Variants in NR1H4 observed in about 807,000 individuals in gnomAD.
The protein encoded by NR1H4 is nuclear receptor subfamily 1 group H member 4, also known as bile acid receptor.
NR1H4 carries 23 observed loss-of-function variants against 58.5 expected under a neutral mutation model. That is an observed-to-expected ratio of 0.39 (90% CI 0.28 to 0.56). The LOEUF (loss-of-function observed/expected upper bound fraction) is 0.56, where lower values mean the gene tolerates loss of function less well. Ranked by LOEUF, NR1H4 falls within the 20% of genes least tolerant of loss-of-function variation. The pLI is 0.58. For synonymous variants in NR1H4, 214 were observed against 198.0 expected (o/e 1.08, Z -0.68); for missense variants, 487 against 576.9 (o/e 0.84, Z 1.60).
intron 9 of NR1H4, among the ~76,000 whole-genome samples, chr12:100,548,615 G>T (rs1955135482): frequency 6.6e-6 from 1 of 152,092 alleles, no homozygotes; most frequent in South Asian, 2.1e-4. Context: ...AGCAATGGAA[G>T]ATCATTTCCA....
At chr12:100,474,592 G>GAATATT (rs1953228147) in intron 1 of NR1H4, among the ~76,000 whole-genome samples, 1 of 152,084 alleles carries the variant, frequency 6.6e-6, no homozygotes, top group South Asian at 2.1e-4. Context: ...TTTCCATTTT[G>GAATATT]AATATTAATA....
chr12:100,505,995 T>C (rs1030667666), intron 3 of NR1H4, among the ~76,000 whole-genome samples: 2 of 142,400 alleles, frequency 1.4e-5, no homozygotes, highest in African/African-American at 5.4e-5. Context: ...AAATAGCAAG[T>C]GTTTATAACA....
rs916535136 is a variant in NR1H4, at chr12:100,536,364, C to T, written c.733-148C>T. The T allele has an allele frequency of 2.5e-5, 14 of 560,936 alleles. No individual in the cohort carries two copies. In the East Asian group the frequency reaches 4.0e-4, roughly 16 times the overall value. The allele number at this position is 560,936 out of a possible 1,614,324, so 34.7% of individuals were successfully genotyped here. A position where few individuals can be genotyped will look rare whatever the true frequency, so the allele number is the denominator to read the frequency against. On this transcript the variant is annotated intron_variant, in intron 6 of 10. Coordinates refer to ENST00000392986, the MANE Select transcript of NR1H4 (RefSeq NM_001206979.2). ...TGAGGACCCAGAGAAAGAAATTATA[C>T]ACTCTCTTAGAACTCATAGTTCCTG...
chr12:100,539,745 G>A (rs1166203404), intron 8 of NR1H4, among the ~76,000 whole-genome samples: 1 of 152,222 alleles, frequency 6.6e-6, no homozygotes, highest in Non-Finnish European at 1.5e-5. Flanking sequence ...CACTCCAGTA[G>A]AGGTGGCAGA....
intron 6 of NR1H4, among the ~76,000 whole-genome samples, chr12:100,535,613 A>C (rs1040687595): frequency 2.6e-5 from 4 of 152,248 alleles, no homozygotes; most frequent in African/African-American, 4.8e-5. Context: ...CCAGTAAGCT[A>C]TGATTGTCCA....
intron 3 of NR1H4, 56 bp downstream of exon 3, chr12:100,493,458 C>T (rs1026594264): frequency 1.7e-5 from 15 of 893,526 alleles, no homozygotes; most frequent in South Asian, 1.5e-4. Context: ...TTTGGAAATA[C>T]ATGAGGAAAT....
chr12:100,520,708 C>T lies in NR1H4; in HGVS notation c.445+9565C>T, dbSNP rs76685045. Among the ~76,000 whole-genome samples the T allele has an allele frequency of 1.0e-3, 154 of 152,292 alleles. No individual in the cohort carries two copies. The East Asian group carries it at 0.025, about 24-fold the overall frequency. On this transcript the variant is annotated intron_variant, in intron 4 of 10. Transcript: ENST00000392986. ...CTGCCACAGCAAAACTCCACAATCC[C>T]GCTTACCAGTAGAAACAACGGAAGA...
chr12:100,541,491 G>C (rs766014667), intron 9 of NR1H4, among the ~76,000 whole-genome samples: 1 of 151,644 alleles, frequency 6.6e-6, no homozygotes, highest in South Asian at 2.1e-4. Flanking sequence ...CATGTTTCCC[G>C]AGCTGGTCTC....
chr12:100,493,888 T>C (rs756865017), intron 3 of NR1H4, among the ~76,000 whole-genome samples: 12 of 152,132 alleles, frequency 7.9e-5, no homozygotes, highest in Non-Finnish European at 1.3e-4. Context: ...TGAGGACAAA[T>C]TGTACTAAGC....
At chr12:100,499,050 C>T (rs949346722) in intron 3 of NR1H4, among the ~76,000 whole-genome samples, 1 of 152,172 alleles carries the variant, frequency 6.6e-6, no homozygotes, top group African/African-American at 2.4e-5. Context: ...CCCTCCTCAG[C>T]CTCTTCATGC....
At chr12:100,486,614 G>A (rs796626373) in intron 1 of NR1H4, among the ~76,000 whole-genome samples, 9 of 152,276 alleles carry the variant, frequency 5.9e-5, no homozygotes, top group African/African-American at 2.2e-4. Context: ...CTTTTTAAGA[G>A]TGTGATAAAA....
rs117463829 is a variant in NR1H4, at chr12:100,476,964, A to G, written c.-190+2905A>G. Among the ~76,000 whole-genome samples, 176 of 152,304 alleles carry G rather than the reference A, an allele frequency of 1.2e-3. 2 individuals are homozygous for G. Among genetic ancestry groups the G allele is most frequent in the South Asian group, 1.0e-2 (48 of 4,818 alleles). On this transcript the variant is annotated intron_variant, in intron 1 of 10. Transcript: ENST00000392986. ...TTTTATTGTCACAGTAGTTTCTACC[A>G]GTGAAGATGTAGCTAAAAGGCATCA... is the stretch of plus-strand genomic sequence containing the variant.
At position 100,493,065 on chromosome 12, in the gene NR1H4, G is replaced by A. The variant is rs7132969; in HGVS notation, c.-54-205G>A. ...AGATAAATTAGTATCTTTTATGCAA[G>A]CACGTATCTTGGGCATTTTTAGGTC... is the stretch of plus-strand genomic sequence containing the variant. On this transcript the variant is annotated intron_variant, in intron 2 of 10. Coordinates refer to ENST00000392986, the MANE Select transcript of NR1H4 (RefSeq NM_001206979.2). 0.067 allele frequency among the ~76,000 whole-genome samples: 10,154 copies of A among 151,910 alleles called. 868 individuals carry two copies. The highest frequency in any genetic ancestry group is 0.31 in the East Asian group (1,578 of 5,152).
intron 4 of NR1H4, among the ~76,000 whole-genome samples, chr12:100,517,203 C>T (rs1159757117): frequency 6.6e-6 from 1 of 152,142 alleles, no homozygotes. Context: ...TCCTCCTCAT[C>T]CTCTCATAAC....
At chr12:100,492,008 G>A (rs1470444293) in intron 1 of NR1H4, among the ~76,000 whole-genome samples, 2 of 152,062 alleles carry the variant, frequency 1.3e-5, no homozygotes, top group Admixed American at 1.3e-4. Flanking sequence ...CTATGTATTT[G>A]GGTGATTATT....
At chr12:100,551,371 G>C (rs865816657) in intron 9 of NR1H4, among the ~76,000 whole-genome samples, 13 of 151,852 alleles carry the variant, frequency 8.6e-5, no homozygotes, top group Admixed American at 3.9e-4. Flanking sequence ...AATGAAAACA[G>C]TTACCAGAAC....
chr12:100,521,773 A>G (rs1962627152), intron 4 of NR1H4, among the ~76,000 whole-genome samples: 1 of 152,214 alleles, frequency 6.6e-6, no homozygotes, highest in South Asian at 2.1e-4. Flanking sequence ...GTGAAAGCTG[A>G]GGAGTGCTGA....
chr12:100,557,737 T>A (rs1433262331), intron 9 of NR1H4, among the ~76,000 whole-genome samples: 1 of 152,224 alleles, frequency 6.6e-6, no homozygotes, highest in African/African-American at 2.4e-5. Context: ...CTTCTAACAG[T>A]GAGAATTTAG....
chr12:100,514,840 C>A (rs1159610060), intron 4 of NR1H4, among the ~76,000 whole-genome samples: 1 of 152,022 alleles, frequency 6.6e-6, no homozygotes, highest in African/African-American at 2.4e-5. Context: ...TATTGTGTAT[C>A]ATCTTTTATA....
Sources: gnomAD v4.1 joint callset for allele counts (sites outside exome capture counted in the v4.1 genomes callset) on GRCh38, gnomAD v4.1.1 for gene constraint, MANE v1.5 for transcripts, NCBI Gene and HGNC (gene_info 2026-07-23, HGNC 2026-07-21) for gene names.